KCNIP1: variants seen among roughly 807,000 people sequenced by gnomAD.
The protein encoded by KCNIP1 is A-type potassium channel modulatory protein KCNIP1.
Under a neutral mutation model 33.0 loss-of-function variants are expected in KCNIP1, and 18 were observed. The ratio of observed to expected loss-of-function variants is 0.55; its 90% CI spans 0.38 to 0.81. The LOEUF (loss-of-function observed/expected upper bound fraction) is 0.81. KCNIP1 is among the 30% of genes least tolerant of loss of function. The pLI is 0.00. For missense variants in KCNIP1, 238 were observed against 271.6 expected, an observed-to-expected ratio of 0.88 and a Z score of 0.87; for synonymous variants, 93 against 98.3, an observed-to-expected ratio of 0.95 and a Z score of 0.32.
At chr5:170,520,887 C>T (rs183055665) in intron 1 of KCNIP1, among the ~76,000 whole-genome samples, 2 of 152,320 alleles carry the variant, frequency 1.3e-5, no homozygotes, top group African/African-American at 2.4e-5. Context: ...CTGCCTTTCT[C>T]GGGCGTGTGG....
chr5:170,412,033 C>T lies in KCNIP1; in HGVS notation c.88+58069C>T, dbSNP rs115494144. On this transcript the variant is annotated intron_variant, in intron 1 of 7. Transcript: ENST00000377360. ...TCCCCCATGCTTAGCAGAGGGCCTG[C>T]CCATAGCAAGTGACGGTGCATGCTG... 9.6e-3 allele frequency among the ~76,000 whole-genome samples: 1,463 copies of T among 152,248 alleles called. 21 individuals carry two copies. Among genetic ancestry groups the T allele is most frequent in the African/African-American group, 0.033 (1,378 of 41,532 alleles).
chr5:170,487,164 G>T (rs1301119225), intron 1 of KCNIP1, among the ~76,000 whole-genome samples: 3 of 152,164 alleles, frequency 2.0e-5, no homozygotes, highest in African/African-American at 4.8e-5. Context: ...AATTGGCAGG[G>T]CAAGAAGCCT....
rs985860171 is a variant in KCNIP1, at chr5:170,504,153, G to C, written c.-420G>C. On this transcript the variant is annotated 5_prime_UTR_variant, in exon 1 of 8. Transcript: ENST00000328939. The surrounding 1 kb of genome is among the most constrained non-coding windows in gnomAD (Gnocchi z 6.0). Reference sequence around the variant, plus strand: ...CCGAGACCCAGCCCGAGCGCAGGGAGGGGAGCCGAGTGTGCGGCAGGAGGG... The same window carrying C: ...CCGAGACCCAGCCCGAGCGCAGGGACGGGAGCCGAGTGTGCGGCAGGAGGG... The C allele has an allele frequency of 3.0e-6, 3 of 1,001,568 alleles. No homozygotes were observed. Among genetic ancestry groups the C allele is most frequent in the Middle Eastern group, 5.0e-4 (1 of 2,002 alleles). The allele number at this position is 1,001,568 out of a possible 1,614,324, so 62.0% of individuals were successfully genotyped here. A position where few individuals can be genotyped will look rare whatever the true frequency, so the allele number is the denominator to read the frequency against.
chr5:170,660,507 G>A (rs1581461685), intron 1 of KCNIP1, among the ~76,000 whole-genome samples: 1 of 152,144 alleles, frequency 6.6e-6, no homozygotes, highest in East Asian at 1.9e-4. Flanking sequence ...TTGTTCCTAT[G>A]TCCTTCTCTG....
chr5:170,581,536 T>A (rs1270832021), intron 1 of KCNIP1, among the ~76,000 whole-genome samples: 2 of 152,256 alleles, frequency 1.3e-5, no homozygotes, highest in African/African-American at 4.8e-5. Flanking sequence ...TCATTTATGA[T>A]GTCTGCTTTG....
At chr5:170,485,448 G>A (rs1561646838) in intron 1 of KCNIP1, among the ~76,000 whole-genome samples, 1 of 152,196 alleles carries the variant, frequency 6.6e-6, no homozygotes, top group Non-Finnish European at 1.5e-5. Flanking sequence ...AGGGTGGCTG[G>A]TGGCCCAGAG....
intron 1 of KCNIP1, among the ~76,000 whole-genome samples, chr5:170,708,220 C>T (rs1240364870): frequency 5.3e-5 from 8 of 152,250 alleles, no homozygotes; most frequent in South Asian, 2.1e-4. Flanking sequence ...TATTAGGGAA[C>T]GCTGTCAATC....
At chr5:170,642,991 T>C (rs1307757967) in intron 1 of KCNIP1, among the ~76,000 whole-genome samples, 1 of 152,232 alleles carries the variant, frequency 6.6e-6, no homozygotes, top group Admixed American at 6.5e-5. Flanking sequence ...CCTGTGAGTG[T>C]TCCCTTAGAT....
At chr5:170,594,478 G>T (rs1758372359) in intron 1 of KCNIP1, among the ~76,000 whole-genome samples, 1 of 152,116 alleles carries the variant, frequency 6.6e-6, no homozygotes, top group Non-Finnish European at 1.5e-5. Context: ...CCAGTGTGGG[G>T]CTGGCATGTT....
chr5:170,572,678 A>G (rs1757464336), intron 1 of KCNIP1, among the ~76,000 whole-genome samples: 1 of 152,182 alleles, frequency 6.6e-6, no homozygotes. Flanking sequence ...AGAAATATTC[A>G]TTTCAGGACT....
chr5:170,560,834 A>G (rs1042543098), intron 1 of KCNIP1, among the ~76,000 whole-genome samples: 13 of 151,390 alleles, frequency 8.6e-5, no homozygotes, highest in Non-Finnish European at 1.6e-4. Flanking sequence ...CCCGCCCCAG[A>G]TGCTCTTCTC....
At chr5:170,483,411 A>G (rs1046391256) in intron 1 of KCNIP1, among the ~76,000 whole-genome samples, 1 of 152,358 alleles carries the variant, frequency 6.6e-6, no homozygotes. Context: ...CTCCATTTTA[A>G]GACCACATCT....
intron 1 of KCNIP1, among the ~76,000 whole-genome samples, chr5:170,641,096 C>T (rs1036290457): frequency 6.6e-6 from 1 of 152,144 alleles, no homozygotes; most frequent in Non-Finnish European, 1.5e-5. Context: ...GCGGTCCCCA[C>T]CTCTCAACAC....
Position 170,706,437 on chromosome 5 carries a change from G to A in KCNIP1, c.62-12321G>A, listed in dbSNP as rs111425029. On this transcript the variant is annotated intron_variant, in intron 1 of 7. Coordinates refer to ENST00000328939, the MANE Select transcript of KCNIP1 (RefSeq NM_014592.4). Reference sequence around the variant, plus strand: ...CTGTGAAGGGAATATTTAGACCAAGGAAACTGGAAAACTGTATCAATCAGG... The same window carrying A: ...CTGTGAAGGGAATATTTAGACCAAGAAAACTGGAAAACTGTATCAATCAGG... Among the ~76,000 whole-genome samples, 534 of 152,254 alleles carry A rather than the reference G, an allele frequency of 3.5e-3. 2 individuals are homozygous for A. The highest frequency in any genetic ancestry group is 0.012 in the African/African-American group (489 of 41,542).
intron 1 of KCNIP1, among the ~76,000 whole-genome samples, chr5:170,565,812 A>G (rs574977896): frequency 6.6e-6 from 1 of 152,332 alleles, no homozygotes; most frequent in East Asian, 1.9e-4. Flanking sequence ...TTTGCCAGGA[A>G]TATTTTCAGA....
intron 1 of KCNIP1, among the ~76,000 whole-genome samples, chr5:170,388,698 T>G (rs1764587498): frequency 6.6e-6 from 1 of 152,208 alleles, no homozygotes; most frequent in Non-Finnish European, 1.5e-5. Context: ...AGGGCGATTC[T>G]GAGGTCCTCA....
intron 1 of KCNIP1, among the ~76,000 whole-genome samples, chr5:170,363,671 C>T (rs1019352409): frequency 1.3e-5 from 2 of 152,236 alleles, no homozygotes; most frequent in African/African-American, 2.4e-5. Context: ...CCATTCTTTG[C>T]ATAGCATCCT....
At chr5:170,620,473 G>A (rs1039476764) in intron 1 of KCNIP1, among the ~76,000 whole-genome samples, 1 of 152,166 alleles carries the variant, frequency 6.6e-6, no homozygotes, top group Non-Finnish European at 1.5e-5. Context: ...AAGGGCTGGG[G>A]CTGCTACAGC....
intron 1 of KCNIP1, among the ~76,000 whole-genome samples, chr5:170,475,221 A>G (rs896768174): frequency 6.6e-6 from 1 of 152,230 alleles, no homozygotes; most frequent in African/African-American, 2.4e-5. Flanking sequence ...CACCCGACCC[A>G]GAAGTCCAGC....
Sources: gnomAD v4.1 joint callset for allele counts (sites outside exome capture counted in the v4.1 genomes callset) on GRCh38, gnomAD v4.1.1 for gene constraint, Gnocchi (gnomAD v3.1) non-coding constraint, MANE v1.5 for transcripts, NCBI Gene and HGNC (gene_info 2026-07-23, HGNC 2026-07-21) for gene names.